The following SND1 variants were observed in gnomAD, a reference collection of about 807,000 sequenced individuals.
SND1 encodes staphylococcal nuclease and tudor domain containing 1.
In SND1, 38 loss-of-function variants were observed where a neutral mutation model predicts 121.7. The ratio of observed to expected loss-of-function variants is 0.31; its 90% CI spans 0.24 to 0.41. The LOEUF is 0.41. Ranked by LOEUF, SND1 falls within the 10% of genes least tolerant of loss-of-function variation. SND1 has a pLI of 1.00. For missense variants in SND1, 868 were observed against 1,184.6 expected, an observed-to-expected ratio of 0.73 and a Z score of 3.92; for synonymous variants, 401 against 447.4, an observed-to-expected ratio of 0.90 and a Z score of 1.31.
chr7:127,836,339 G>T (rs1798868407), intron 11 of SND1, among the ~76,000 whole-genome samples: 1 of 152,144 alleles, frequency 6.6e-6, no homozygotes, highest in African/African-American at 2.4e-5. Context: ...TGGGGTTTGG[G>T]GGTAGGATGG....
At chr7:127,725,134 G>A (rs1380333592) in intron 10 of SND1, among the ~76,000 whole-genome samples, 1 of 152,270 alleles carries the variant, frequency 6.6e-6, no homozygotes, top group Admixed American at 6.5e-5. Flanking sequence ...AACATCACCT[G>A]GGCATCCTAG....
chr7:128,008,464 CTTT>C (rs780986426), intron 16 of SND1, among the ~76,000 whole-genome samples: 14 of 136,016 alleles, frequency 1.0e-4, no homozygotes, highest in Admixed American at 2.2e-4. Flanking sequence ...TTTTTCTTTC[CTTT>C]TTTTTTTTTT....
intron 16 of SND1, among the ~76,000 whole-genome samples, chr7:127,992,686 C>A (rs1015394442): frequency 6.6e-6 from 1 of 152,176 alleles, no homozygotes; most frequent in Non-Finnish European, 1.5e-5. Flanking sequence ...CCTAAAGTTT[C>A]TTTCCCATTC....
intron 14 of SND1, among the ~76,000 whole-genome samples, chr7:127,911,436 CT>C (rs1384873830): frequency 6.6e-6 from 1 of 152,156 alleles, no homozygotes; most frequent in African/African-American, 2.4e-5. Flanking sequence ...TCTCAAACTC[CT>C]GGGCTCAAGT....
At chr7:127,974,231 C>A (rs1020262505) in intron 15 of SND1, among the ~76,000 whole-genome samples, 1 of 152,184 alleles carries the variant, frequency 6.6e-6, no homozygotes, top group Admixed American at 6.5e-5. Flanking sequence ...AGATTTAATA[C>A]GATACAGCAT....
chr7:127,655,304 AG>A (rs1047152697), intron 1 of SND1, among the ~76,000 whole-genome samples: 3 of 152,300 alleles, frequency 2.0e-5, no homozygotes, highest in African/African-American at 7.2e-5. Context: ...ATTTTGTTTA[AG>A]GTTGAAGAAC....
intron 14 of SND1, among the ~76,000 whole-genome samples, chr7:127,906,650 C>G (rs117244967): frequency 6.6e-6 from 1 of 152,250 alleles, no homozygotes; most frequent in East Asian, 1.9e-4. Context: ...GGGATAGGCT[C>G]TCTCCTTGGG....
chr7:127,862,971 A>G (rs561072110), intron 12 of SND1, among the ~76,000 whole-genome samples: 1 of 152,186 alleles, frequency 6.6e-6, no homozygotes, highest in African/African-American at 2.4e-5. Context: ...CTTGATGTCT[A>G]TATTTTGATT....
At chr7:127,951,892 C>T (rs1412445309) in intron 15 of SND1, among the ~76,000 whole-genome samples, 1 of 152,172 alleles carries the variant, frequency 6.6e-6, no homozygotes, top group African/African-American at 2.4e-5. Flanking sequence ...TTTTCCTGGA[C>T]TTATTTGGAC....
At chr7:127,764,518 T>C (rs1215526924) in intron 10 of SND1, among the ~76,000 whole-genome samples, 1 of 152,274 alleles carries the variant, frequency 6.6e-6, no homozygotes, top group Non-Finnish European at 1.5e-5. Flanking sequence ...CCATCTTTAG[T>C]TTGCCTGCAT....
intron 15 of SND1, among the ~76,000 whole-genome samples, chr7:127,973,714 G>T (rs1802052841): frequency 6.6e-6 from 1 of 152,194 alleles, no homozygotes; most frequent in Admixed American, 6.5e-5. Flanking sequence ...CTATGTGTGT[G>T]CCTATCTTCC....
intron 1 of SND1, among the ~76,000 whole-genome samples, chr7:127,657,957 C>T (rs1032442959): frequency 2.0e-5 from 3 of 152,058 alleles, no homozygotes; most frequent in Non-Finnish European, 4.4e-5. Flanking sequence ...TTTTCTGGTA[C>T]CCTGGTGAGA....
chr7:127,931,087 A>G (rs1483222796), intron 15 of SND1, among the ~76,000 whole-genome samples: 2 of 152,154 alleles, frequency 1.3e-5, no homozygotes, highest in African/African-American at 4.8e-5. Flanking sequence ...TAAATGTTGT[A>G]TGTGTTCTGA....
chr7:127,779,159 G>T (rs1268162695), intron 10 of SND1, among the ~76,000 whole-genome samples: 1 of 152,164 alleles, frequency 6.6e-6, no homozygotes, highest in Non-Finnish European at 1.5e-5. Context: ...AGCACATGGA[G>T]AAATCTTTTT....
intron 17 of SND1, among the ~76,000 whole-genome samples, chr7:128,076,499 G>A (rs1793508579): frequency 6.6e-6 from 1 of 152,168 alleles, no homozygotes; most frequent in Non-Finnish European, 1.5e-5. Context: ...CTTCCTCCTG[G>A]AGGGGCTGTT....
intron 16 of SND1, chr7:128,027,142 T>G (rs1455989710): frequency 6.6e-6 from 1 of 152,614 alleles, no homozygotes; most frequent in Non-Finnish European, 1.5e-5. Flanking sequence ...GTTCTTTTGT[T>G]GGCAATTCCC....
intron 11 of SND1, among the ~76,000 whole-genome samples, 159 bp downstream of exon 11, chr7:127,807,732 A>G (rs1464786295): frequency 2.0e-5 from 3 of 152,214 alleles, no homozygotes; most frequent in Non-Finnish European, 2.9e-5. Flanking sequence ...TTTATGTGTC[A>G]GAAACGGTAC....
chr7:127,888,467 A>G (rs1258921707), intron 13 of SND1, among the ~76,000 whole-genome samples: 1 of 152,158 alleles, frequency 6.6e-6, no homozygotes, highest in East Asian at 1.9e-4. Flanking sequence ...TTATTAGGAA[A>G]TGAGTTTTAG....
At chr7:127,689,863 C>T (rs1795881625) in intron 2 of SND1, among the ~76,000 whole-genome samples, 1 of 151,984 alleles carries the variant, frequency 6.6e-6, no homozygotes, top group Non-Finnish European at 1.5e-5. Context: ...AAAGCTGCAT[C>T]GACACAAGTT....
Sources: allele counts gnomAD v4.1 joint callset (sites outside exome capture counted in the v4.1 genomes callset), GRCh38; gene constraint gnomAD v4.1.1; transcripts MANE v1.5; gene names NCBI Gene and HGNC (gene_info 2026-07-23, HGNC 2026-07-21).